Variants in MRPL38 observed in about 807,000 individuals in gnomAD.
The protein encoded by MRPL38 is mitochondrial ribosomal protein L38.
In MRPL38, 51 loss-of-function variants were observed where a neutral mutation model predicts 52.1. The ratio of observed to expected loss-of-function variants is 0.98; its 90% confidence interval spans 0.78 to 1.24. The LOEUF is 1.24. MRPL38 is among the 50% of genes most tolerant of loss of function. The pLI is 0.00. For synonymous variants in MRPL38, 245 were observed against 212.7 expected, an observed-to-expected ratio of 1.15 and a Z score of -1.32; for missense variants, 527 against 518.6, an observed-to-expected ratio of 1.02 and a Z score of -0.16.
intron 6 of MRPL38, 44 bp downstream of exon 6, chr17:75,900,937 TC>T (rs2065400984): frequency 3.2e-6 from 5 of 1,578,956 alleles, no homozygotes; most frequent in Non-Finnish European, 3.4e-6. Flanking sequence ...CAGCTCCTCT[TC>T]CCGCCTGGGC....
chr17:75,904,190 GCA>G, intron 2 of MRPL38: 1 of 507,266 alleles, frequency 2.0e-6, no homozygotes, highest in South Asian at 1.5e-5. Flanking sequence ...GAGAGGCAGC[GCA>G]CAGTCAGAAT....
chr17:75,901,333 G>A lies in MRPL38; in HGVS notation c.592-60C>T, dbSNP rs368616379. 6.4e-7 allele frequency: 1 copy of A among 1,555,832 alleles called. No homozygotes were observed. Among genetic ancestry groups the A allele is most frequent in the Non-Finnish European group, 8.8e-7 (1 of 1,137,672 alleles). On this transcript the variant is annotated intron_variant, in intron 4 of 8. Coordinates refer to ENST00000309352, the MANE Select transcript of MRPL38 (RefSeq NM_032478.4). The surrounding 1 kb of genome is among the most constrained non-coding windows in gnomAD (Gnocchi z 5.7). ...AGGGACAGGCCAGCTGTTGCAGGGAGCCTTGGAGAAAGGGGTGCCCACTCT... is the reference window on the plus strand; with the variant it reads ...AGGGACAGGCCAGCTGTTGCAGGGAACCTTGGAGAAAGGGGTGCCCACTCT...
intron 8 of MRPL38, 79 bp from the exon 9 acceptor site, chr17:75,899,065 C>T: frequency 6.5e-7 from 1 of 1,531,086 alleles, no homozygotes; most frequent in South Asian, 1.3e-5. Context: ...CAGGGACCTG[C>T]CGCAGCCTTC....
chr17:75,899,229 G>A lies in MRPL38; in HGVS notation c.935C>T (p.Thr312Ile). The A allele has an allele frequency of 6.2e-7, 1 of 1,611,244 alleles. No individual in the cohort carries two copies. Among genetic ancestry groups the A allele is most frequent in the Non-Finnish European group, 8.5e-7 (1 of 1,178,868 alleles). The change falls in exon 8 of 9, where the codon ACT becomes ATT. Residue 312 changes from threonine (T) to isoleucine (I), a missense_variant. Thr to Ile is a moderately conservative substitution (Grantham distance 89). Transcript: ENST00000309352. Reference protein sequence around the residue: ...DFYKKHQETMTPAGLSFFQCR... With the variant: ...DFYKKHQETMIPAGLSFFQCR... The stretch of plus-strand genomic sequence containing the variant: ...CTGGAAGAAGGACAAGCCGGCTGGA[G>A]TCATGGTTTCTTGGTGTTTCTTGTA...
chr17:75,898,899 TA>T lies in MRPL38; in HGVS notation c.1093del (p.Tyr365ThrfsTer29), dbSNP rs776036466. 1 of 1,611,500 alleles carries T rather than the reference TA, an allele frequency of 6.2e-7. No individual in the cohort carries two copies. The highest frequency in any genetic ancestry group is 2.2e-5 in the East Asian group (1 of 44,766). ...KRFPHRQPLR[Y>X]LDRYRDSHEP... The stretch of plus-strand genomic sequence containing the variant: ...ATGACTGTCCCTGTACCGGTCCAGG[TA>T]GCGCAGGGGCTGCCGGTGGGGGAAG... On this transcript the variant is annotated frameshift_variant, in exon 9 of 9. Coordinates refer to ENST00000309352, the MANE Select transcript of MRPL38 (RefSeq NM_032478.4). LOFTEE classifies it high-confidence loss of function.
chr17:75,904,768 C>CCGGGGGGGGG, intron 1 of MRPL38, 41 bp downstream of exon 1: 12 of 1,056,302 alleles, frequency 1.1e-5, no homozygotes, highest in Non-Finnish European at 1.1e-5. Context: ...GCTCGGGCGA[C>CCGGGGGGGGG]AGCCCCCCCC....
intron 2 of MRPL38, 60 bp downstream of exon 2, chr17:75,904,480 G>A (rs2065419275): frequency 2.4e-5 from 35 of 1,458,488 alleles, no homozygotes; most frequent in African/African-American, 2.9e-5. Context: ...CGGGGAAAAC[G>A]CCGGCGGGTC....
At position 75,904,318 on chromosome 17, in the gene MRPL38, T is replaced by C. The variant is rs534983688; in HGVS notation, c.247+222A>G. The C allele has an allele frequency of 1.9e-5, 13 of 702,538 alleles. No individual in the cohort carries two copies. The African/African-American group carries it at 2.1e-4, about 11-fold the overall frequency. 43.5% of individuals were successfully genotyped at this position (702,538 alleles called of 1,614,324 possible). On this transcript the variant is annotated intron_variant, in intron 2 of 8. Transcript: ENST00000309352. Reference sequence around the variant, plus strand: ...AATATTTTAGGAGCTGGAACTCTAATAGTAGGGGGAGCGAATTTTCCAAGA... The same window carrying C: ...AATATTTTAGGAGCTGGAACTCTAACAGTAGGGGGAGCGAATTTTCCAAGA...
In MRPL38 at chr17:75,901,999, C is replaced by G. The variant is rs368219507; in HGVS notation, c.382+21G>C. 6.2e-7 allele frequency: 1 copy of G among 1,612,924 alleles called. No individual in the cohort carries two copies. The highest frequency in any genetic ancestry group is 1.7e-5 in the Admixed American group (1 of 59,982). ...CCCTGTACCCCAACTCTGGGATGGC[C>G]CCTCCCCTGAGAAGGCTTACCTGTG... On this transcript the variant is annotated intron_variant, in intron 3 of 8. Coordinates refer to ENST00000309352, the MANE Select transcript of MRPL38 (RefSeq NM_032478.4). This position sits in a 1 kb window ranked among gnomAD's most constrained non-coding sequence, Gnocchi z 5.7.
At position 75,901,720 on chromosome 17, in the gene MRPL38, G is replaced by C; in HGVS notation, c.583C>G (p.Pro195Ala). ...CACAAGTGAGTGGTTACCTCGGTTG[G>C]AGTCACCTCATTGCCACAGTACACA... ...MPVYCGNEVT[P>A]TEAAQAPEVT... Residue 195 changes from proline (P) to alanine (A), a missense_variant, in exon 4 of 9, where the codon CCA (proline) becomes GCA (alanine). Physicochemically the swap from Pro to Ala is conservative, Grantham distance 27. Coordinates refer to ENST00000309352, the MANE Select transcript of MRPL38 (RefSeq NM_032478.4). This position sits in a 1 kb window ranked among gnomAD's most constrained non-coding sequence, Gnocchi z 5.7. 1.2e-6 allele frequency: 2 copies of C among 1,613,768 alleles called. No individual in the cohort carries two copies. Among genetic ancestry groups the C allele is most frequent in the Non-Finnish European group, 1.7e-6 (2 of 1,179,798 alleles).
At chr17:75,903,470 G>A (rs2065414420) in intron 2 of MRPL38, among the ~76,000 whole-genome samples, 1 of 152,146 alleles carries the variant, frequency 6.6e-6, no homozygotes, top group Admixed American at 6.5e-5. Flanking sequence ...GATGGCATTA[G>A]GCAAAAATGC....
In MRPL38 at chr17:75,901,861, T is replaced by C. The variant is rs769076408; in HGVS notation, c.442A>G (p.Lys148Glu). The change falls in exon 4 of 9, where the codon AAG becomes GAG. Residue 148 changes from lysine (K) to glutamate (E), a missense_variant. Lys to Glu is a moderately conservative substitution (Grantham distance 56, BLOSUM62 1). Transcript: ENST00000309352. The surrounding 1 kb of genome is among the most constrained non-coding windows in gnomAD (Gnocchi z 5.7). ...CCGTAATACTCAGCCAGACGCTGCT[T>C]GTGGTAGGGGCCACAGGTCCTCTCC... ...EWERTCGPYH[K>E]QRLAEYYGLY... 6.2e-7 allele frequency: 1 copy of C among 1,611,670 alleles called. No homozygotes were observed. The highest frequency in any genetic ancestry group is 8.5e-7 in the Non-Finnish European group (1 of 1,179,572).
Position 75,899,523 on chromosome 17 carries a change from A to G in MRPL38, c.862T>C (p.Ser288Pro). 1 of 1,582,400 alleles carries G rather than the reference A, an allele frequency of 6.3e-7. No homozygotes were observed. The change falls in exon 7 of 9, where the codon TCA becomes CCA. Residue 288 changes from serine to proline, a missense_variant. Ser to Pro is a moderately conservative substitution (Grantham distance 74). Transcript: ENST00000309352. ...PIDFSEDARP[S>P]PCYQLAQRTF... ...GTGGGTGGTGTAGATTACCAGGGTG[A>G]GGGGCGTGCGTCCTCAGAGAAGTCA...
Position 75,900,995 on chromosome 17 carries a change from G to A in MRPL38, c.697C>T (p.Leu233Phe), listed in dbSNP as rs1455019063. ...TCCAGTACTCACAGCAGCCAGTGGA[G>A]GTACTCAGCATCTGGCTCCAGCAGG... The part of the protein sequence containing the change: ...GHLLEPDAEY[L>F]HWLLTNIPGN... The change falls in exon 6 of 9, where the codon CTC becomes TTC. Residue 233 changes from leucine (L) to phenylalanine (F), a missense_variant. Leu to Phe is a conservative substitution (Grantham distance 22). Coordinates refer to ENST00000309352, the MANE Select transcript of MRPL38 (RefSeq NM_032478.4). 3.7e-6 allele frequency: 6 copies of A among 1,612,646 alleles called. No homozygotes were observed. Among genetic ancestry groups the A allele is most frequent in the Admixed American group, 3.3e-5 (2 of 59,904 alleles).
In MRPL38 at chr17:75,902,146, C is replaced by A; in HGVS notation, c.256G>T (p.Glu86Ter). The A allele has an allele frequency of 6.4e-7, 1 of 1,559,114 alleles. No individual in the cohort carries two copies. The highest frequency in any genetic ancestry group is 8.7e-7 in the Non-Finnish European group (1 of 1,151,356). The change falls in exon 3 of 9, where the codon GAG becomes TAG. Residue 86 changes from glutamate (E) to a stop codon, truncating the protein, a stop_gained. Transcript: ENST00000309352. LOFTEE classifies it high-confidence loss of function. The part of the protein sequence containing the change: ...EYFGEKTDPK[E>*]KIDIGLPPPK... The stretch of plus-strand genomic sequence containing the variant: ...GGAGGCAGCCCAATATCAATCTTCT[C>A]TTTGGGATCTGGAGTGGGAAGATGT...
At chr17:75,900,922 G>T (rs2065400896) in intron 6 of MRPL38, 60 bp downstream of exon 6, 9 of 1,575,054 alleles carry the variant, frequency 5.7e-6, no homozygotes, top group South Asian at 1.2e-5. Flanking sequence ...CTCAGTCCAG[G>T]CTCCCAGCTC....
intron 2 of MRPL38, among the ~76,000 whole-genome samples, chr17:75,902,956 G>A (rs1286057111): frequency 1.3e-5 from 2 of 152,142 alleles, no homozygotes; most frequent in African/African-American, 4.8e-5. Context: ...GTGTTTTTCT[G>A]ATCCCCAAAC....
chr17:75,904,714 G>A lies in MRPL38; in HGVS notation c.73C>T (p.Leu25=), dbSNP rs770886996. 9.5e-6 allele frequency: 15 copies of A among 1,579,044 alleles called. No individual in the cohort carries two copies. Among genetic ancestry groups the A allele is most frequent in the Non-Finnish European group, 1.3e-5 (15 of 1,171,814 alleles). The change falls in exon 2 of 9, where the codon CTG becomes TTG. Residue 25 remains leucine, a synonymous_variant. Transcript: ENST00000309352. ...RWRGFSTSAV[L]GRRTPPLGPM... Reference sequence around the variant, plus strand: ...CCCAGCGGGGGTGTCCGGCGGCCCAGGACGGCTGCGGGCAGAGAGAAGACG... The same window carrying A: ...CCCAGCGGGGGTGTCCGGCGGCCCAAGACGGCTGCGGGCAGAGAGAAGACG...
chr17:75,904,853 G>A lies in MRPL38; in HGVS notation c.23C>T (p.Ala8Val), dbSNP rs1359026513. Reference protein sequence around the residue: MAAPWWRAALCECRRWRG... With the variant: MAAPWWRVALCECRRWRG... ...CCATCTCCGACACTCGCACAGCGCG[G>A]CTCGCCACCAGGGCGCCGCCATCTT... Residue 8 changes from alanine (A) to valine (V), a missense_variant, in exon 1 of 9, where the codon GCC becomes GTC. Coordinates refer to ENST00000309352, the MANE Select transcript of MRPL38 (RefSeq NM_032478.4). 4 of 1,489,650 alleles carry A rather than the reference G, an allele frequency of 2.7e-6. No individual in the cohort carries two copies. Among genetic ancestry groups the A allele is most frequent in the Non-Finnish European group, 3.6e-6 (4 of 1,124,462 alleles). The allele number at this position is 1,489,650 out of a possible 1,614,324, so 92.3% of individuals were successfully genotyped here.
Sources: allele counts gnomAD v4.1 joint callset (sites outside exome capture counted in the v4.1 genomes callset), GRCh38; gene constraint gnomAD v4.1.1; non-coding constraint Gnocchi (gnomAD v3.1); transcripts MANE v1.5; gene names NCBI Gene and HGNC (gene_info 2026-07-23, HGNC 2026-07-21).